Variants in CIB3 observed in about 807,000 individuals in gnomAD.
CIB3 encodes the protein calcium and integrin-binding family member 3.
CIB3 carries 22 observed loss-of-function variants against 23.4 expected under a neutral mutation model. That is an observed-to-expected ratio of 0.94 (90% confidence interval 0.67 to 1.34). The LOEUF (loss-of-function observed/expected upper bound fraction) is 1.34, where lower values mean the gene tolerates loss of function less well. Among genes scored for constraint, CIB3 ranks in the 40% most tolerant of loss-of-function variants. The pLI is 0.00. For synonymous variants in CIB3, 93 were observed against 95.8 expected (o/e 0.97, Z 0.17); for missense variants, 258 against 247.3 (o/e 1.04, Z -0.29).
intron 3 of CIB3, 89 bp from the exon 4 acceptor site, chr19:16,168,373 G>A: frequency 1.3e-6 from 2 of 1,533,472 alleles, no homozygotes; most frequent in East Asian, 4.6e-5. Flanking sequence ...CCCACCTTCT[G>A]GGAACCTCCA....
intron 2 of CIB3, among the ~76,000 whole-genome samples, chr19:16,171,293 C>T (rs2091327346): frequency 6.6e-6 from 1 of 152,122 alleles, no homozygotes; most frequent in Admixed American, 6.6e-5. Flanking sequence ...TTGCAAATAA[C>T]TGAATACCAC....
chr19:16,171,706 T>C (rs897775), intron 2 of CIB3, among the ~76,000 whole-genome samples: 103,379 of 152,076 alleles, frequency 0.68, 36,040 homozygotes, highest in East Asian at 0.95. Context: ...CTCTGTGCAT[T>C]TACCCTTCAG....
chr19:16,165,715 T>C (rs949561209), intron 4 of CIB3, among the ~76,000 whole-genome samples: 2 of 152,136 alleles, frequency 1.3e-5, no homozygotes, highest in African/African-American at 4.8e-5. Context: ...AGTGCTAGGA[T>C]TACAGGTGGA....
At chr19:16,165,184 TCAGGAGGCTGAGG>T (rs2091300941) in intron 4 of CIB3, among the ~76,000 whole-genome samples, 1 of 149,706 alleles carries the variant, frequency 6.7e-6, no homozygotes, top group Non-Finnish European at 1.5e-5. Context: ...TCCCAGCTAT[TCAGGAGGCTGAGG>T]CAGGAGAATC....
intron 3 of CIB3, among the ~76,000 whole-genome samples, chr19:16,169,285 A>C (rs934395413): frequency 6.6e-6 from 1 of 152,100 alleles, no homozygotes; most frequent in Non-Finnish European, 1.5e-5. Context: ...CTGGGATTAC[A>C]GGTGTGCACT....
chr19:16,162,647 G>A (rs149213711), intron 5 of CIB3, among the ~76,000 whole-genome samples: 3,252 of 151,834 alleles, frequency 0.021, 116 homozygotes, highest in African/African-American at 0.073. Context: ...CCAGATACTC[G>A]GGAGGCTGAG....
chr19:16,162,039 A>G (rs1488295561), intron 5 of CIB3, among the ~76,000 whole-genome samples: 1 of 151,940 alleles, frequency 6.6e-6, no homozygotes, highest in Non-Finnish European at 1.5e-5. Flanking sequence ...TTCTCAACAC[A>G]AATAAATGAT....
At position 16,169,868 on chromosome 19, in the gene CIB3, C is replaced by T. The variant is rs540354895; in HGVS notation, c.87-127G>A. On this transcript the variant is annotated intron_variant, in intron 2 of 5. Coordinates refer to ENST00000269878, the MANE Select transcript of CIB3 (RefSeq NM_054113.4). ...AGGCTGGAGTGCAGTGGCACAATCT[C>T]GGCTCACTGTAACCTCTGCCTCCCG... 70 of 709,588 alleles carry T rather than the reference C, an allele frequency of 9.9e-5. 1 individual carries two copies. In the South Asian group the frequency reaches 1.2e-3, roughly 12 times the overall value. The allele number at this position is 709,588 out of a possible 1,614,324, so 44.0% of individuals were successfully genotyped here.
chr19:16,168,781 A>T (rs1599436576), intron 3 of CIB3, among the ~76,000 whole-genome samples: 1 of 152,220 alleles, frequency 6.6e-6, no homozygotes, highest in Admixed American at 6.5e-5. Flanking sequence ...ATTCCTGAGC[A>T]CATCATCAGA....
At chr19:16,162,864 TA>T (rs1239814489) in intron 5 of CIB3, among the ~76,000 whole-genome samples, 1 of 150,280 alleles carries the variant, frequency 6.7e-6, no homozygotes, top group African/African-American at 2.4e-5. Flanking sequence ...ATTCTTATTT[TA>T]TTTCTTTTTT....
At chr19:16,166,860 A>G (rs539613013) in intron 4 of CIB3, among the ~76,000 whole-genome samples, 4 of 152,264 alleles carry the variant, frequency 2.6e-5, no homozygotes, top group African/African-American at 9.6e-5. Flanking sequence ...TGGGTGGATC[A>G]CTTGAGGTTA....
chr19:16,168,315 C>T (rs2145082782), intron 3 of CIB3, 31 bp from the exon 4 acceptor site: 1 of 1,611,694 alleles, frequency 6.2e-7, no homozygotes, highest in Non-Finnish European at 8.5e-7. Context: ...GGGAGGCCAT[C>T]CTCTGACCCC....
At chr19:16,167,282 G>A (rs2091309925) in intron 4 of CIB3, among the ~76,000 whole-genome samples, 1 of 152,040 alleles carries the variant, frequency 6.6e-6, no homozygotes, top group Non-Finnish European at 1.5e-5. Flanking sequence ...AAGGTGCCAG[G>A]CACTAAGATA....
chr19:16,173,130 C>T, intron 2 of CIB3, 32 bp downstream of exon 2: 1 of 1,611,318 alleles, frequency 6.2e-7, no homozygotes, highest in Non-Finnish European at 8.5e-7. Flanking sequence ...GTTGTTTTTC[C>T]AGATCTTCTC....
intron 5 of CIB3, among the ~76,000 whole-genome samples, chr19:16,162,886 CT>C (rs373689760): frequency 2.7e-3 from 279 of 102,426 alleles, no homozygotes; most frequent in African/African-American, 8.4e-3. Flanking sequence ...CTTTTCTTTT[CT>C]TTTTTTTTTT....
chr19:16,164,947 GT>G (rs1370037851), intron 4 of CIB3, 34 bp from the exon 5 acceptor site: 3 of 1,594,626 alleles, frequency 1.9e-6, no homozygotes, highest in Non-Finnish European at 2.6e-6. Flanking sequence ...GTGACAGCAG[GT>G]GGCAGGAGGG....
At position 16,168,186 on chromosome 19, in the gene CIB3, A is replaced by C. The variant is rs2091313435; in HGVS notation, c.297T>G (p.Ser99Arg). Residue 99 changes from serine (S) to arginine (R), a missense_variant, in exon 4 of 6, where the codon AGT becomes AGG. By Grantham distance (110) the Ser-to-Arg change is moderately radical (BLOSUM62 -1). Coordinates refer to ENST00000269878, the MANE Select transcript of CIB3 (RefSeq NM_054113.4). ...DNFLDMFSVM[S>R]EMAPRDLKAY... ...CCTTGAGGTCGCGGGGAGCCATTTC[A>C]CTCATCACGGAAAACATGTCCAAAA... The C allele has an allele frequency of 6.2e-7, 1 of 1,612,552 alleles. No homozygotes were observed. The highest frequency in any genetic ancestry group is 8.5e-7 in the Non-Finnish European group (1 of 1,179,468).
At chr19:16,169,596 T>C (rs2091319389) in intron 3 of CIB3, 34 bp downstream of exon 3, 1 of 1,581,568 alleles carries the variant, frequency 6.3e-7, no homozygotes, top group African/African-American at 1.3e-5. Flanking sequence ...TCTCTACTAT[T>C]TTTTACCCTG....
chr19:16,168,042 C>G (rs992204550), intron 4 of CIB3, 95 bp downstream of exon 4: 12 of 1,484,628 alleles, frequency 8.1e-6, no homozygotes, highest in Non-Finnish European at 1.1e-5. Context: ...GGCCTCAAAA[C>G]CCCTGGGGAG....
Sources: gnomAD v4.1 joint callset for allele counts (sites outside exome capture counted in the v4.1 genomes callset) on GRCh38, gnomAD v4.1.1 for gene constraint, MANE v1.5 for transcripts, NCBI Gene and HGNC (gene_info 2026-07-23, HGNC 2026-07-21) for gene names.